The following TCFL5 variants were observed in gnomAD, a reference collection of about 807,000 sequenced individuals.
TCFL5 encodes the protein transcription factor like 5.
In TCFL5, 9 loss-of-function variants were observed where a neutral mutation model predicts 44.3. The ratio of observed to expected loss-of-function variants is 0.20; its 90% CI spans 0.12 to 0.35. The LOEUF (loss-of-function observed/expected upper bound fraction) is 0.35, where lower values mean the gene tolerates loss of function less well. TCFL5 is among the 10% of genes least tolerant of loss of function. The pLI is 1.00. For missense variants in TCFL5, 603 were observed against 613.4 expected (o/e 0.98, Z 0.18); for synonymous variants, 319 against 271.6 (o/e 1.17, Z -1.72).
chr20:62,846,191 G>A (rs777117141), intron 5 of TCFL5: 103 of 991,692 alleles, frequency 1.0e-4, no homozygotes, highest in Admixed American at 1.4e-4. Context: ...AAGGAAGGAA[G>A]AAAATAATCA....
rs915807758 is a variant in TCFL5 at position 62,842,681 on chromosome 20, T to C, written c.1381-584A>G. On this transcript the variant is annotated intron_variant, in intron 5 of 5. Coordinates refer to ENST00000335351, the MANE Select transcript of TCFL5 (RefSeq NM_006602.4). The surrounding 1 kb of genome is among the most constrained non-coding windows in gnomAD (Gnocchi z 4.3). ...GGGAGGCTGAGGCAGGACAATCTCT[T>C]GAGCCTGGGAGGTGGAGGTTGCAGT... 6.6e-6 allele frequency among the ~76,000 whole-genome samples: 1 copy of C among 152,200 alleles called. No individual in the cohort carries two copies. Among genetic ancestry groups the C allele is most frequent in the Admixed American group, 6.5e-5 (1 of 15,282 alleles).
chr20:62,845,373 T>A, intron 5 of TCFL5: 1 of 1,164,504 alleles, frequency 8.6e-7, no homozygotes, highest in South Asian at 1.8e-5. Context: ...TCTGCCCACC[T>A]CAGCTTCCCA....
At chr20:62,844,565 T>A (rs1359858336) in intron 5 of TCFL5, among the ~76,000 whole-genome samples, 1 of 146,690 alleles carries the variant, frequency 6.8e-6, no homozygotes, top group Non-Finnish European at 1.5e-5. Context: ...TTTTCTGTTT[T>A]TTTTTGTTTG....
chr20:62,855,981 T>C (rs2147278495), intron 4 of TCFL5, among the ~76,000 whole-genome samples: 1 of 152,100 alleles, frequency 6.6e-6, no homozygotes, highest in South Asian at 2.1e-4. Context: ...CCGGGTGTGG[T>C]GGCTCATGCC....
chr20:62,856,890 A>C (rs2063900872), intron 4 of TCFL5, among the ~76,000 whole-genome samples: 1 of 152,162 alleles, frequency 6.6e-6, no homozygotes, highest in African/African-American at 2.4e-5. Context: ...TACACTGTGC[A>C]AACGATATGG....
At position 62,841,727 on chromosome 20, in the gene TCFL5, T is replaced by G. The variant is rs1040933538; in HGVS notation, c.*248A>C. On this transcript the variant is annotated 3_prime_UTR_variant, in exon 6 of 6. Transcript: ENST00000335351. ...GAAAATGCTTACTAATTATTACTAA[T>G]TAATTATTACTAATTATTAAGATGG... is the stretch of plus-strand genomic sequence containing the variant. 1 of 302,064 alleles carries G rather than the reference T, an allele frequency of 3.3e-6. No individual in the cohort carries two copies. Among genetic ancestry groups the G allele is most frequent in the Non-Finnish European group, 6.0e-6 (1 of 165,718 alleles). The allele number at this position is 302,064 out of a possible 1,614,324, so 18.7% of individuals were successfully genotyped here.
In TCFL5 at chr20:62,860,029, T is replaced by A. The variant is rs369601516; in HGVS notation, c.831+96A>T. The stretch of plus-strand genomic sequence containing the variant: ...CGGCTTAAAAGGTTATTAAGCTCAC[T>A]GAAGGGAAAAAAAAGTACTTGGGAC... On this transcript the variant is annotated intron_variant, in intron 2 of 5. Transcript: ENST00000335351. 3.9e-6 allele frequency: 5 copies of A among 1,275,096 alleles called. No homozygotes were observed. The South Asian group carries it at 5.8e-5, about 15-fold the overall frequency. 79.0% of individuals were successfully genotyped at this position (1,275,096 alleles called of 1,614,324 possible). A position where few individuals can be genotyped will look rare whatever the true frequency, so the allele number is the denominator to read the frequency against.
At chr20:62,852,483 C>T in intron 5 of TCFL5, 1 of 985,486 alleles carries the variant, frequency 1.0e-6, no homozygotes, top group Non-Finnish European at 1.2e-6. Flanking sequence ...GACTGAACTC[C>T]TGCATTCAAA....
intron 3 of TCFL5, 56 bp downstream of exon 3, chr20:62,859,308 C>A: frequency 1.3e-6 from 2 of 1,560,210 alleles, no homozygotes; most frequent in Non-Finnish European, 1.7e-6. Flanking sequence ...AAAATGCCAT[C>A]AGCCACAGGG....
intron 1 of TCFL5, among the ~76,000 whole-genome samples, chr20:62,860,706 C>T (rs545940519): frequency 8.0e-4 from 121 of 152,188 alleles, no homozygotes; most frequent in Non-Finnish European, 1.5e-3. Context: ...CCCGTCGGGC[C>T]TTCCTAGGCT....
In TCFL5 at chr20:62,841,555, A is replaced by G. The variant is rs561887138; in HGVS notation, c.*420T>C. 4 of 156,078 alleles carry G rather than the reference A, an allele frequency of 2.6e-5. No individual in the cohort carries two copies. 9.7% of individuals were successfully genotyped at this position (156,078 alleles called of 1,614,324 possible). A position where few individuals can be genotyped will look rare whatever the true frequency, so the allele number is the denominator to read the frequency against. On this transcript the variant is annotated 3_prime_UTR_variant, in exon 6 of 6. Coordinates refer to ENST00000335351, the MANE Select transcript of TCFL5 (RefSeq NM_006602.4). The stretch of plus-strand genomic sequence containing the variant: ...AATTTCCAAACTGTTTTTAGTTAAC[A>G]ATTTAACTTGTTCCAATTGCTAAAG...
chr20:62,861,397 C>T lies in TCFL5; in HGVS notation c.274G>A (p.Gly92Ser). The change falls in exon 1 of 6, where the codon GGC becomes AGC. Residue 92 changes from glycine (G) to serine (S), a missense_variant. By Grantham distance (56) the Gly-to-Ser change is moderately conservative. Transcript: ENST00000335351. The surrounding 1 kb of genome is among the most constrained non-coding windows in gnomAD (Gnocchi z 4.0). Reference sequence around the variant, plus strand: ...CCCTGACCGCCCGCCGCGAAGCCGCCCGCGCCTGCGCCCGGGCCCGCCGCC... The same window carrying T: ...CCCTGACCGCCCGCCGCGAAGCCGCTCGCGCCTGCGCCCGGGCCCGCCGCC... ...LAAAGPGAGAGGFAAGGQGGA... is the reference protein window; with the variant it reads ...LAAAGPGAGASGFAAGGQGGA... The T allele has an allele frequency of 9.2e-7, 1 of 1,085,974 alleles. No homozygotes were observed. Among genetic ancestry groups the T allele is most frequent in the African/African-American group, 1.7e-5 (1 of 59,172 alleles). 67.3% of individuals were successfully genotyped at this position (1,085,974 alleles called of 1,614,324 possible). A position where few individuals can be genotyped will look rare whatever the true frequency, so the allele number is the denominator to read the frequency against.
intron 1 of TCFL5, 45 bp downstream of exon 1, chr20:62,860,979 G>A: frequency 1.0e-6 from 1 of 987,554 alleles, no homozygotes; most frequent in Non-Finnish European, 1.2e-6. Flanking sequence ...CCCCGGCCTC[G>A]GCCTCCACCC....
chr20:62,853,923 C>A, intron 5 of TCFL5, 93 bp downstream of exon 5: 1 of 1,381,488 alleles, frequency 7.2e-7, no homozygotes, highest in South Asian at 1.3e-5. Flanking sequence ...TTCCAGGAAA[C>A]AAAGGATAGT....
At chr20:62,844,105 T>G (rs995633028) in intron 5 of TCFL5, among the ~76,000 whole-genome samples, 1 of 152,200 alleles carries the variant, frequency 6.6e-6, no homozygotes, top group Admixed American at 6.5e-5. Flanking sequence ...GGTTTATGCT[T>G]CTCTGGTGAT....
intron 5 of TCFL5, among the ~76,000 whole-genome samples, chr20:62,850,037 C>A (rs917448922): frequency 4.6e-5 from 7 of 152,068 alleles, no homozygotes; most frequent in African/African-American, 1.7e-4. Context: ...TTGGGCAAAT[C>A]TGAATAGTCT....
intron 5 of TCFL5, among the ~76,000 whole-genome samples, chr20:62,843,768 C>A (rs1488297419): frequency 6.6e-6 from 1 of 152,176 alleles, no homozygotes; most frequent in African/African-American, 2.4e-5. Context: ...GCCCCCAGCC[C>A]CTGGCACGTA....
Position 62,859,525 on chromosome 20 carries a change from C to A in TCFL5, c.833G>T (p.Ser278Ile), listed in dbSNP as rs1033537279. 2.5e-6 allele frequency: 4 copies of A among 1,603,804 alleles called. No individual in the cohort carries two copies. The highest frequency in any genetic ancestry group is 3.4e-6 in the Non-Finnish European group (4 of 1,177,792). Reference protein sequence around the residue: ...SGNSNLSQTQSSSNSCSVLEA... With the variant: ...SGNSNLSQTQISSNSCSVLEA... ...AAGTACAGAACATGAGTTACTAGAACTCTGGAAAAAAATGAAGCAACAGGA... is the reference window on the plus strand; with the variant it reads ...AAGTACAGAACATGAGTTACTAGAAATCTGGAAAAAAATGAAGCAACAGGA... The change falls in exon 3 of 6, where the codon AGT becomes ATT. Residue 278 changes from serine (S) to isoleucine (I), a missense_variant and splice_region_variant. Transcript: ENST00000335351.
chr20:62,856,508 T>G (rs2063893178), intron 4 of TCFL5, among the ~76,000 whole-genome samples: 1 of 151,366 alleles, frequency 6.6e-6, no homozygotes, highest in Admixed American at 6.6e-5. Context: ...ATCAAGACCA[T>G]CCTGGCTAAC....
Sources: allele counts gnomAD v4.1 joint callset (sites outside exome capture counted in the v4.1 genomes callset), GRCh38; gene constraint gnomAD v4.1.1; non-coding constraint Gnocchi (gnomAD v3.1); transcripts MANE v1.5; gene names NCBI Gene and HGNC (gene_info 2026-07-23, HGNC 2026-07-21).